Variants in CELSR3 observed in about 807,000 individuals in gnomAD.
CELSR3 encodes the protein cadherin EGF LAG seven-pass G-type receptor 3, also known as EGF-like protein 1.
Under a neutral mutation model 270.0 loss-of-function variants are expected in CELSR3, and 73 were observed. The ratio of observed to expected loss-of-function variants is 0.27; its 90% confidence interval spans 0.22 to 0.33. CELSR3 has a LOEUF of 0.33. CELSR3 is among the 10% of genes least tolerant of loss of function. The pLI is 1.00. For missense variants in CELSR3, 3,614 were observed against 4,533.8 expected (o/e 0.80, Z 5.83); for synonymous variants, 1,780 against 1,905.4 (o/e 0.93, Z 1.71).
Position 48,660,871 on chromosome 3 carries a change from A to G in CELSR3, c.1764T>C (p.Asn588=), listed in dbSNP as rs750663202. ...GLVHYNIISG[N]SRGHFAIDSL... Reference sequence around the variant, plus strand: ...TGTCGATGGCAAAGTGTCCACGGCTATTGCCACTGATGATGTTGTAGTGCA... The same window carrying G: ...TGTCGATGGCAAAGTGTCCACGGCTGTTGCCACTGATGATGTTGTAGTGCA... Residue 588 remains asparagine (N), a synonymous_variant, in exon 1 of 35, where the codon AAT becomes AAC. Coordinates refer to ENST00000164024, the MANE Select transcript of CELSR3 (RefSeq NM_001407.3). This position sits in a 1 kb window ranked among gnomAD's most constrained non-coding sequence, Gnocchi z 5.5. 24 of 1,613,842 alleles carry G rather than the reference A, an allele frequency of 1.5e-5. No homozygotes were observed. The highest frequency in any genetic ancestry group is 1.5e-5 in the Non-Finnish European group (18 of 1,180,028).
At chr3:48,656,646 C>T (rs931013563) in intron 2 of CELSR3, 52 bp downstream of exon 2, 1 of 1,443,182 alleles carries the variant, frequency 6.9e-7, no homozygotes, top group African/African-American at 1.4e-5. Context: ...TGTGGTCCCG[C>T]CCCCAGCCTT....
chr3:48,641,840 G>T lies in CELSR3; in HGVS notation c.8824+11C>A. On this transcript the variant is annotated intron_variant, in intron 32 of 34. Coordinates refer to ENST00000164024, the MANE Select transcript of CELSR3 (RefSeq NM_001407.3). The surrounding 1 kb of genome is among the most constrained non-coding windows in gnomAD (Gnocchi z 4.8). Reference sequence around the variant, plus strand: ...CCTTGGTCACCCAAGGGGTCAGAGGGCGCCTGGCACCTTTGGGGTGGGTGA... The same window carrying T: ...CCTTGGTCACCCAAGGGGTCAGAGGTCGCCTGGCACCTTTGGGGTGGGTGA... 1 of 1,451,822 alleles carries T rather than the reference G, an allele frequency of 6.9e-7. No homozygotes were observed. Among genetic ancestry groups the T allele is most frequent in the Non-Finnish European group, 9.1e-7 (1 of 1,100,010 alleles). The allele number at this position is 1,451,822 out of a possible 1,614,324, so 89.9% of individuals were successfully genotyped here. A position where few individuals can be genotyped will look rare whatever the true frequency, so the allele number is the denominator to read the frequency against.
intron 19 of CELSR3, 29 bp downstream of exon 19, chr3:48,648,237 T>TGC: frequency 2.5e-5 from 36 of 1,427,694 alleles, no homozygotes; most frequent in Non-Finnish European, 3.1e-5. Context: ...CCCCCTGCTG[T>TGC]GCCCCGCCCT....
At position 48,656,306 on chromosome 3, in the gene CELSR3, C is replaced by T; in HGVS notation, c.4459G>A (p.Gly1487Arg). 1 of 1,497,890 alleles carries T rather than the reference C, an allele frequency of 6.7e-7. No individual in the cohort carries two copies. Among genetic ancestry groups the T allele is most frequent in the Non-Finnish European group, 8.8e-7 (1 of 1,133,624 alleles). The allele number at this position is 1,497,890 out of a possible 1,614,324, so 92.8% of individuals were successfully genotyped here. A position where few individuals can be genotyped will look rare whatever the true frequency, so the allele number is the denominator to read the frequency against. The change falls in exon 3 of 35, where the codon GGG becomes AGG. Residue 1487 changes from glycine to arginine, a missense_variant. Physicochemically the swap from Gly to Arg is moderately radical, Grantham distance 125. This residue lies in a region of CELSR3 where 1,331 missense variants were observed against 1,933.7 expected (regional missense o/e 0.69). Coordinates refer to ENST00000164024, the MANE Select transcript of CELSR3 (RefSeq NM_001407.3). The part of the protein sequence containing the change: ...GRCVPGVCRN[G>R]GTCTDAPNGG... ...TTGGGCGCGTCGGTGCAGGTGCCCC[C>T]GTTGCGGCAGACGCCCGGCACGCAG...
Position 48,655,779 on chromosome 3 carries a change from G to C in CELSR3, c.4698C>G (p.Ala1566=), listed in dbSNP as rs557008146. 6 of 1,613,382 alleles carry C rather than the reference G, an allele frequency of 3.7e-6. No homozygotes were observed. The highest frequency in any genetic ancestry group is 1.6e-4 in the Middle Eastern group (1 of 6,080). The change falls in exon 4 of 35, where the codon GCC becomes GCG. Residue 1566 remains alanine (A), a synonymous_variant. Transcript: ENST00000164024. The surrounding 1 kb of genome is among the most constrained non-coding windows in gnomAD (Gnocchi z 5.8). ...GCACTTGGCCAGCCACGAGTTCCAG[G>C]GCCAGGAAGTCGTGCTTCTCGTTCA... is the stretch of plus-strand genomic sequence containing the variant. ...GRLNEKHDFL[A]LELVAGQVRL...
Position 48,662,399 on chromosome 3 carries a change from C to T in CELSR3, c.236G>A (p.Gly79Glu). The change falls in exon 1 of 35, where the codon GGG becomes GAG. Residue 79 changes from glycine (G) to glutamate (E), a missense_variant. By Grantham distance (98) the Gly-to-Glu change is moderately conservative. Transcript: ENST00000164024. This position sits in a 1 kb window ranked among gnomAD's most constrained non-coding sequence, Gnocchi z 7.1. ...CCCCACGAAGATAGGCTCCCTGACC[C>T]CCAGGCCAGGCCCCCCATCCTCCCG... ...GVREDGGPGL[G>E]VREPIFVGLR... 6.2e-7 allele frequency: 1 copy of T among 1,612,930 alleles called. No homozygotes were observed. Among genetic ancestry groups the T allele is most frequent in the Non-Finnish European group, 8.5e-7 (1 of 1,179,960 alleles).
chr3:48,643,756 A>T, intron 27 of CELSR3, 79 bp from the exon 28 acceptor site: 2 of 1,482,888 alleles, frequency 1.3e-6, no homozygotes, highest in East Asian at 5.0e-5. Context: ...GGGAGGACAC[A>T]CAGGGGCCAC....
At position 48,656,983 on chromosome 3, in the gene CELSR3, G is replaced by A. The variant is rs750519337; in HGVS notation, c.4114C>T (p.Leu1372=). The A allele has an allele frequency of 8.7e-6, 14 of 1,612,912 alleles. No homozygotes were observed. The highest frequency in any genetic ancestry group is 2.2e-5 in the East Asian group (1 of 44,854). Residue 1372 remains leucine (L), a synonymous_variant, in exon 2 of 35, where the codon CTG becomes TTG. Coordinates refer to ENST00000164024, the MANE Select transcript of CELSR3 (RefSeq NM_001407.3). ...AGGCACACGTTGTCGTCGAAGGGCA[G>A]TACGTCGAGCAGGGAGCGAGCCGCC... The part of the protein sequence containing the change: ...ALAARSLLDV[L]PFDDNVCLRE...
rs2047071257 is a variant in CELSR3, at chr3:48,645,369, C to T, written c.7797+74G>A. On this transcript the variant is annotated intron_variant, in intron 24 of 34. Transcript: ENST00000164024. This position sits in a 1 kb window ranked among gnomAD's most constrained non-coding sequence, Gnocchi z 5.4. ...AACCTGAGCATCCCTGACCTCTGAC[C>T]CTGAGTTTTGGCCCCAGGCCTCCTG... The T allele has an allele frequency of 1.3e-6, 2 of 1,593,566 alleles. No individual in the cohort carries two copies. Among genetic ancestry groups the T allele is most frequent in the Non-Finnish European group, 1.7e-6 (2 of 1,163,770 alleles).
chr3:48,656,226 G>C lies in CELSR3; in HGVS notation c.4539C>G (p.Cys1513Trp). Residue 1513 changes from cysteine to tryptophan, a missense_variant, in exon 3 of 35, where the codon TGC (cysteine) becomes TGG (tryptophan). Around this residue, in one of 7 missense-constraint regions of CELSR3, gnomAD observed 1,331 missense variants for 1,933.7 expected, o/e 0.69. Transcript: ENST00000164024. ...PAGGAFEGPR[C>W]EVAARSFPPS... ...GCGGGAAGGAGCGCGCAGCCACCTC[G>C]CAGCGCGGGCCCTCGAAGGCGCCGC... is the stretch of plus-strand genomic sequence containing the variant. 6.5e-7 allele frequency: 1 copy of C among 1,535,862 alleles called. No individual in the cohort carries two copies.
rs747446023 is a variant in CELSR3, at chr3:48,662,188, T to C, written c.447A>G (p.Gln149=). 2 of 1,612,366 alleles carry C rather than the reference T, an allele frequency of 1.2e-6. No individual in the cohort carries two copies. Among genetic ancestry groups the C allele is most frequent in the Non-Finnish European group, 8.5e-7 (1 of 1,179,328 alleles). Residue 149 remains glutamine (Q), a synonymous_variant, in exon 1 of 35, where the codon CAA becomes CAG. Transcript: ENST00000164024. This position sits in a 1 kb window ranked among gnomAD's most constrained non-coding sequence, Gnocchi z 7.1. ...VSSCGRTGPL[Q]RGSLSPGALS... is the part of the protein sequence containing the mutation. ...GAGCCCCTGGTGACAGACTACCTCTTTGCAAAGGTCCTGTCCGCCCGCAAG... is the reference window on the plus strand; with the variant it reads ...GAGCCCCTGGTGACAGACTACCTCTCTGCAAAGGTCCTGTCCGCCCGCAAG...
rs943462293 is a variant in CELSR3, at chr3:48,642,426, G to C, written c.8597C>G (p.Thr2866Ser). 7 of 1,613,156 alleles carry C rather than the reference G, an allele frequency of 4.3e-6. No individual in the cohort carries two copies. The Admixed American group carries it at 8.3e-5, about 19-fold the overall frequency. The change falls in exon 31 of 35, where the codon ACT becomes AGT. Residue 2866 changes from threonine to serine, a missense_variant. Coordinates refer to ENST00000164024, the MANE Select transcript of CELSR3 (RefSeq NM_001407.3). The surrounding 1 kb of genome is among the most constrained non-coding windows in gnomAD (Gnocchi z 6.1). ...AGCATGAGCCTGGAGGCTGTGGTCA[G>C]TGTGGTCAGCGGCTGAGCCATGTCG... Reference protein sequence around the residue: ...LVRHGSAADHTDHSLQAHAGP... With the variant: ...LVRHGSAADHSDHSLQAHAGP...
Position 48,660,188 on chromosome 3 carries a change from G to A in CELSR3, c.2447C>T (p.Ala816Val), listed in dbSNP as rs1440657013. The A allele has an allele frequency of 1.2e-6, 2 of 1,614,064 alleles. No individual in the cohort carries two copies. Among genetic ancestry groups the A allele is most frequent in the Non-Finnish European group, 1.7e-6 (2 of 1,180,024 alleles). The change falls in exon 1 of 35, where the codon GCT becomes GTT. Residue 816 changes from alanine (A) to valine (V), a missense_variant. Transcript: ENST00000164024. This position sits in a 1 kb window ranked among gnomAD's most constrained non-coding sequence, Gnocchi z 5.5. ...TTCCTGCTTGTAGTCCAGTGGCAGAGCCAGAGTCACCAGACCCACACCCCC... is the reference window on the plus strand; with the variant it reads ...TTCCTGCTTGTAGTCCAGTGGCAGAACCAGAGTCACCAGACCCACACCCCC... ...TQGGVGLVTL[A>V]LPLDYKQERY...
chr3:48,648,991 G>A (rs1332492609), intron 17 of CELSR3, 63 bp from the exon 18 acceptor site: 1 of 1,581,360 alleles, frequency 6.3e-7, no homozygotes. Flanking sequence ...GCTTCACAGG[G>A]AGAAAGCCTT....
intron 16 of CELSR3, 84 bp from the exon 17 acceptor site, chr3:48,649,299 G>A: frequency 9.0e-7 from 1 of 1,113,538 alleles, no homozygotes; most frequent in Non-Finnish European, 1.3e-6. Flanking sequence ...CCTATGCTGG[G>A]GGAATCCCTG....
chr3:48,654,960 G>T lies in CELSR3; in HGVS notation c.4988+84C>A. 7.3e-7 allele frequency: 1 copy of T among 1,365,696 alleles called. No individual in the cohort carries two copies. The highest frequency in any genetic ancestry group is 1.0e-6 in the Non-Finnish European group (1 of 958,968). The allele number at this position is 1,365,696 out of a possible 1,614,324, so 84.6% of individuals were successfully genotyped here. A position where few individuals can be genotyped will look rare whatever the true frequency, so the allele number is the denominator to read the frequency against. On this transcript the variant is annotated intron_variant, in intron 6 of 34. Coordinates refer to ENST00000164024, the MANE Select transcript of CELSR3 (RefSeq NM_001407.3). The surrounding 1 kb of genome is among the most constrained non-coding windows in gnomAD (Gnocchi z 5.4). Reference sequence around the variant, plus strand: ...GGGGGAAAGATGGGAGAGTTTGGCAGGATGGGATGAGGAATGGGATGTGAA... The same window carrying T: ...GGGGGAAAGATGGGAGAGTTTGGCATGATGGGATGAGGAATGGGATGTGAA...
chr3:48,637,643 G>T lies in CELSR3; in HGVS notation c.*562C>A, dbSNP rs1377068867. The T allele has an allele frequency of 1.3e-5, 2 of 155,512 alleles. No individual in the cohort carries two copies. Among genetic ancestry groups the T allele is most frequent in the Non-Finnish European group, 2.9e-5 (2 of 69,816 alleles). 9.6% of individuals were successfully genotyped at this position (155,512 alleles called of 1,614,324 possible). On this transcript the variant is annotated 3_prime_UTR_variant, in exon 35 of 35. Transcript: ENST00000164024. ...GGGCGGTATGAGCAAGCCCCCATGA[G>T]GAAGTCAGAGGACCCCTGTTTCCAA... is the stretch of plus-strand genomic sequence containing the variant.
chr3:48,653,488 A>G lies in CELSR3; in HGVS notation c.5448+131T>C. On this transcript the variant is annotated intron_variant, in intron 9 of 34. Coordinates refer to ENST00000164024, the MANE Select transcript of CELSR3 (RefSeq NM_001407.3). This position sits in a 1 kb window ranked among gnomAD's most constrained non-coding sequence, Gnocchi z 6.5. ...AAGAGAATCAAGGGCTAGGGTCCAG[A>G]GCAGGGTCAAGTGTGGTTGGGACAC... The G allele has an allele frequency of 9.4e-7, 1 of 1,065,778 alleles. No individual in the cohort carries two copies. The highest frequency in any genetic ancestry group is 1.4e-6 in the Non-Finnish European group (1 of 716,816). The allele number at this position is 1,065,778 out of a possible 1,614,324, so 66.0% of individuals were successfully genotyped here. A position where few individuals can be genotyped will look rare whatever the true frequency, so the allele number is the denominator to read the frequency against.
Position 48,645,954 on chromosome 3 carries a change from T to A in CELSR3, c.7464-86A>T, listed in dbSNP as rs112310278. 3 of 1,569,074 alleles carry A rather than the reference T, an allele frequency of 1.9e-6. No individual in the cohort carries two copies. Among genetic ancestry groups the A allele is most frequent in the Non-Finnish European group, 2.6e-6 (3 of 1,153,216 alleles). On this transcript the variant is annotated intron_variant, in intron 22 of 34. Coordinates refer to ENST00000164024, the MANE Select transcript of CELSR3 (RefSeq NM_001407.3). This position sits in a 1 kb window ranked among gnomAD's most constrained non-coding sequence, Gnocchi z 5.4. The stretch of plus-strand genomic sequence containing the variant: ...GATCATGGGAAGGGCTGAGGGTGCC[T>A]GGAGTTGGGGTACAGCATTCCTCAT...
Sources: allele counts gnomAD v4.1 joint callset, GRCh38; gene constraint gnomAD v4.1.1; regional missense constraint gnomAD v4.1.1; non-coding constraint Gnocchi (gnomAD v3.1); transcripts MANE v1.5; gene names NCBI Gene and HGNC (gene_info 2026-07-23, HGNC 2026-07-21).